Variants in LARP6 observed in about 807,000 individuals in gnomAD.
The protein encoded by LARP6 is La ribonucleoprotein 6, translational regulator, also known as la-related protein 6.
LARP6 carries 18 observed loss-of-function variants against 32.8 expected under a neutral mutation model. The observed-to-expected ratio is 0.55, with a 90% confidence interval of 0.38 to 0.81. The LOEUF is 0.81. LARP6 is among the 40% of genes least tolerant of loss of function. LARP6 has a pLI of 0.00. For synonymous variants in LARP6, 289 were observed against 267.2 expected (o/e 1.08, Z -0.80); for missense variants, 598 against 663.1 (o/e 0.90, Z 1.08).
chr15:70,840,180 A>C (rs1439847983), intron 1 of LARP6, among the ~76,000 whole-genome samples: 1 of 152,212 alleles, frequency 6.6e-6, no homozygotes, highest in Non-Finnish European at 1.5e-5. Flanking sequence ...GAAAAAGGAG[A>C]TGCAAGATGG....
intron 1 of LARP6, among the ~76,000 whole-genome samples, chr15:70,843,774 G>C (rs2032299318): frequency 7.0e-6 from 1 of 142,272 alleles, no homozygotes; most frequent in African/African-American, 2.6e-5. Flanking sequence ...TTCTGTCTCA[G>C]CCTCCTGAGT....
intron 1 of LARP6, among the ~76,000 whole-genome samples, chr15:70,841,260 C>T (rs2032253635): frequency 6.6e-6 from 1 of 152,172 alleles, no homozygotes; most frequent in Admixed American, 6.5e-5. Flanking sequence ...CAGAGCTTCC[C>T]AATCTTCCCA....
At chr15:70,834,862 C>T (rs760473485) in intron 2 of LARP6, among the ~76,000 whole-genome samples, 30 of 152,206 alleles carry the variant, frequency 2.0e-4, no homozygotes, top group Non-Finnish European at 4.4e-4. Flanking sequence ...GTATGTTCCC[C>T]TTTTGTGATT....
chr15:70,853,893 G>A lies in LARP6; in HGVS notation c.196C>T (p.His66Tyr), dbSNP rs1348551364. The A allele has an allele frequency of 3.0e-5, 39 of 1,312,146 alleles. No homozygotes were observed. The highest frequency in any genetic ancestry group is 3.6e-5 in the Non-Finnish European group (37 of 1,027,654). The allele number at this position is 1,312,146 out of a possible 1,614,324, so 81.3% of individuals were successfully genotyped here. A position where few individuals can be genotyped will look rare whatever the true frequency, so the allele number is the denominator to read the frequency against. Residue 66 changes from histidine (H) to tyrosine (Y), a missense_variant, in exon 1 of 3, where the codon CAC becomes TAC. Around this residue, in one of 3 missense-constraint regions of LARP6, gnomAD observed 161 missense variants for 148.6 expected, o/e 1.08. Coordinates refer to ENST00000299213, the MANE Select transcript of LARP6 (RefSeq NM_018357.4). Reference protein sequence around the residue: ...SASEEEPSRGHSGTTASGGEN... With the variant: ...SASEEEPSRGYSGTTASGGEN... ...CGGGCCAGCCGCCGCGCCTACCTGT[G>A]CCCGCGGCTCGGCTCCTCCTCGCTC...
Position 70,832,559 on chromosome 15 carries a change from T to C in LARP6, c.969A>G (p.Arg323=). Residue 323 remains arginine, a synonymous_variant, in exon 3 of 3, where the codon AGA becomes AGG. Coordinates refer to ENST00000299213, the MANE Select transcript of LARP6 (RefSeq NM_018357.4). The part of the protein sequence containing the change: ...SIHLNKSLNK[R]VEELQYMGDE... The stretch of plus-strand genomic sequence containing the variant: ...CACCCATGTACTGAAGCTCCTCGAC[T>C]CTCTTGTTCAGGGACTTGTTCAGGT... 6.4e-7 allele frequency: 1 copy of C among 1,566,442 alleles called. No homozygotes were observed. The highest frequency in any genetic ancestry group is 8.6e-7 in the Non-Finnish European group (1 of 1,161,620).
At chr15:70,836,202 A>AT in intron 2 of LARP6, 93 bp downstream of exon 2, 1 of 1,005,234 alleles carries the variant, frequency 9.9e-7, no homozygotes, top group Non-Finnish European at 1.5e-6. Flanking sequence ...ATTGTTCGTC[A>AT]TCAGGTTTCA....
chr15:70,851,831 G>A, intron 1 of LARP6: 1 of 1,543,730 alleles, frequency 6.5e-7, no homozygotes. Context: ...CTCTGGGGTG[G>A]GGATTGGGGG....
intron 1 of LARP6, among the ~76,000 whole-genome samples, chr15:70,848,142 T>C (rs2032380504): frequency 6.6e-6 from 1 of 152,186 alleles, no homozygotes; most frequent in Non-Finnish European, 1.5e-5. Flanking sequence ...TACAGGTATG[T>C]TCTCAACTTT....
In LARP6 at chr15:70,829,339, C is replaced by G. The variant is rs1199253692; in HGVS notation, c.*2713G>C. On this transcript the variant is annotated 3_prime_UTR_variant, in exon 3 of 3. Transcript: ENST00000299213. ...TATTTTTAGTAGAGACAGGGTTTTA[C>G]CACATTAGCCAGGATAGTCTCAATC... The G allele has an allele frequency of 6.6e-6, 1 of 152,022 alleles. No individual in the cohort carries two copies. Among genetic ancestry groups the G allele is most frequent in the Non-Finnish European group, 1.5e-5 (1 of 68,048 alleles). 9.4% of individuals were successfully genotyped at this position (152,022 alleles called of 1,614,324 possible). A position where few individuals can be genotyped will look rare whatever the true frequency, so the allele number is the denominator to read the frequency against.
rs201700915 is a variant in LARP6 at position 70,832,132 on chromosome 15, C to T, written c.1396G>A (p.Val466Ile). The T allele has an allele frequency of 1.9e-5, 30 of 1,607,294 alleles. No homozygotes were observed. The highest frequency in any genetic ancestry group is 1.7e-4 in the Admixed American group (10 of 59,306). ...RKMQTADGLP[V>I]GVLRLPRGPD... ...CCCCTGGGCAACCTCAGCACCCCTA[C>T]GGGTAGCCCATCTGCAGTCTGCATC... The change falls in exon 3 of 3, where the codon GTA becomes ATA. Residue 466 changes from valine to isoleucine, a missense_variant. By Grantham distance (29) the Val-to-Ile change is conservative. Transcript: ENST00000299213.
chr15:70,838,228 T>A (rs1370248752), intron 1 of LARP6, among the ~76,000 whole-genome samples: 2 of 152,204 alleles, frequency 1.3e-5, no homozygotes, highest in African/African-American at 4.8e-5. Flanking sequence ...TTAAGTAAAT[T>A]TAGGCAAGGA....
intron 1 of LARP6, 146 bp downstream of exon 1, chr15:70,853,743 G>C (rs1224895408): frequency 1.3e-5 from 7 of 544,136 alleles, no homozygotes; most frequent in African/African-American, 1.2e-4. Context: ...CTGACTCAGG[G>C]GCTCGGCCCG....
At position 70,836,406 on chromosome 15, in the gene LARP6, G is replaced by C. The variant is rs760707940; in HGVS notation, c.300C>G (p.Ile100Met). Reference protein sequence around the residue: ...EELIKKLVDQIEFYFSDENLE... With the variant: ...EELIKKLVDQMEFYFSDENLE... ...GGTTTTCATCAGAAAAGTAGAATTC[G>C]ATCTGATCCACCAGTTTCTTGATCA... Residue 100 changes from isoleucine to methionine, a missense_variant, in exon 2 of 3, where the codon ATC (isoleucine) becomes ATG (methionine). By Grantham distance (10) the Ile-to-Met change is conservative. Coordinates refer to ENST00000299213, the MANE Select transcript of LARP6 (RefSeq NM_018357.4). 1.9e-6 allele frequency: 3 copies of C among 1,614,010 alleles called. No individual in the cohort carries two copies. The highest frequency in any genetic ancestry group is 2.5e-6 in the Non-Finnish European group (3 of 1,179,934).
intron 1 of LARP6, among the ~76,000 whole-genome samples, chr15:70,852,946 G>A (rs2032514701): frequency 6.6e-6 from 1 of 152,178 alleles, no homozygotes; most frequent in South Asian, 2.1e-4. Flanking sequence ...AACCTTAACA[G>A]CTAAACGCCT....
chr15:70,852,199 G>A, intron 1 of LARP6: 1 of 431,690 alleles, frequency 2.3e-6, no homozygotes, highest in Non-Finnish European at 4.6e-6. Context: ...TGCTCTGGGT[G>A]CCTGCCCACT....
In LARP6 at chr15:70,832,827, T is replaced by C. The variant is rs750511135; in HGVS notation, c.701A>G (p.Lys234Arg). The C allele has an allele frequency of 9.9e-6, 16 of 1,613,006 alleles. No individual in the cohort carries two copies. The highest frequency in any genetic ancestry group is 1.3e-5 in the Non-Finnish European group (15 of 1,179,680). Reference sequence around the variant, plus strand: ...GTCAGGGGGCAGCTCTCTCCCAGGTTTGAGGATCCGCACTGATGAGATGAC... The same window carrying C: ...GTCAGGGGGCAGCTCTCTCCCAGGTCTGAGGATCCGCACTGATGAGATGAC... Reference protein sequence around the residue: ...FGVISSVRILKPGRELPPDIR... With the variant: ...FGVISSVRILRPGRELPPDIR... Residue 234 changes from lysine (K) to arginine (R), a missense_variant, in exon 3 of 3, where the codon AAA becomes AGA. Transcript: ENST00000299213.
chr15:70,846,782 T>C (rs2032355909), intron 1 of LARP6, among the ~76,000 whole-genome samples: 1 of 152,130 alleles, frequency 6.6e-6, no homozygotes, highest in African/African-American at 2.4e-5. Flanking sequence ...CAGAAAGACA[T>C]AGTTATCTGT....
intron 1 of LARP6, among the ~76,000 whole-genome samples, chr15:70,852,924 A>C (rs1198423481): frequency 6.6e-6 from 1 of 152,172 alleles, no homozygotes; most frequent in Non-Finnish European, 1.5e-5. Context: ...GCTTGCCAGG[A>C]CAATCCTGCA....
At chr15:70,841,051 T>C (rs1225574468) in intron 1 of LARP6, among the ~76,000 whole-genome samples, 3 of 151,934 alleles carry the variant, frequency 2.0e-5, no homozygotes, top group Admixed American at 6.6e-5. Context: ...GTAGCTGGGA[T>C]TACAGGCGCC....
Sources: gnomAD v4.1 joint callset for allele counts (sites outside exome capture counted in the v4.1 genomes callset) on GRCh38, gnomAD v4.1.1 for gene constraint, gnomAD v4.1.1 regional missense constraint, MANE v1.5 for transcripts, NCBI Gene and HGNC (gene_info 2026-07-23, HGNC 2026-07-21) for gene names.